The following KALRN variants were observed in gnomAD, a reference collection of about 807,000 sequenced individuals.
The protein encoded by KALRN is kalirin.
Under a neutral mutation model 353.7 loss-of-function variants are expected in KALRN, and 70 were observed. The ratio of observed to expected loss-of-function variants is 0.20; its 90% CI spans 0.16 to 0.24. KALRN has a LOEUF of 0.24. Ranked by LOEUF, KALRN falls within the 10% of genes least tolerant of loss-of-function variation. KALRN has a pLI of 1.00. For synonymous variants in KALRN, 1,391 were observed against 1,434.8 expected (o/e 0.97, Z 0.69); for missense variants, 2,791 against 3,756.7 (o/e 0.74, Z 6.72).
chr3:124,404,299 T>C (rs761196021), intron 13 of KALRN, among the ~76,000 whole-genome samples: 10 of 152,214 alleles, frequency 6.6e-5, no homozygotes, highest in Admixed American at 2.6e-4. Flanking sequence ...CCGGTGACTC[T>C]AAAAATGTTA....
chr3:124,230,307 T>C (rs539316207), intron 2 of KALRN, among the ~76,000 whole-genome samples: 7 of 152,334 alleles, frequency 4.6e-5, no homozygotes, highest in Admixed American at 4.6e-4. Flanking sequence ...TTCTGCCAAG[T>C]TGAGCCTTTC....
chr3:124,227,074 A>T (rs1053350961), intron 1 of KALRN, among the ~76,000 whole-genome samples: 2 of 152,096 alleles, frequency 1.3e-5, no homozygotes, highest in African/African-American at 4.8e-5. Context: ...GGGTTTGTGT[A>T]TGTGGAAGCT....
intron 47 of KALRN, 117 bp from the exon 48 acceptor site, chr3:124,671,543 G>T: frequency 1.4e-6 from 1 of 701,312 alleles, no homozygotes; most frequent in Non-Finnish European, 2.5e-6. Context: ...AAAAACAAGG[G>T]TAGTGTTTTT....
chr3:124,135,935 A>G (rs141493123), intron 1 of KALRN, among the ~76,000 whole-genome samples: 1 of 152,336 alleles, frequency 6.6e-6, no homozygotes, highest in East Asian at 1.9e-4. Flanking sequence ...GGACTGTTAC[A>G]TTCCCCATTC....
intron 6 of KALRN, among the ~76,000 whole-genome samples, chr3:124,313,764 G>C (rs543350965): frequency 2.1e-4 from 32 of 152,296 alleles, no homozygotes; most frequent in Non-Finnish European, 3.5e-4. Flanking sequence ...TCTGTACCAG[G>C]CTGAGAACCA....
At position 124,582,710 on chromosome 3, in the gene KALRN, T is replaced by C. The variant is rs2074745178; in HGVS notation, c.5182+19621T>C. 2.0e-5 allele frequency among the ~76,000 whole-genome samples: 3 copies of C among 151,092 alleles called. No individual in the cohort carries two copies. In the Admixed American group the frequency reaches 2.0e-4, roughly 10 times the overall value. On this transcript the variant is annotated intron_variant, in intron 34 of 59. Transcript: ENST00000682506. ...TAAGCTATTATTACTCATTAGGTCA[T>C]GCTTCGATCATTTACTGGTATCCCA...
intron 1 of KALRN, among the ~76,000 whole-genome samples, chr3:124,158,881 A>G (rs1195942699): frequency 6.6e-6 from 1 of 152,128 alleles, no homozygotes; most frequent in Non-Finnish European, 1.5e-5. Context: ...CCCCTAGTCC[A>G]TGATGCACAC....
At position 124,049,927 on chromosome 3, in the gene KALRN, A is replaced by G. The variant is rs542294722; in HGVS notation, c.73+16114A>G. Among the ~76,000 whole-genome samples the G allele has an allele frequency of 3.3e-5, 5 of 152,168 alleles. No homozygotes were observed. In the South Asian group the frequency reaches 8.3e-4, roughly 25 times the overall value. ...CCCCTGTTTTGCTAGTTTATAATAT[A>G]TTATTCTTTTTTCTGGATTAATCTC... On this transcript the variant is annotated intron_variant, in intron 1 of 59. Transcript: ENST00000682506.
At chr3:124,034,429 T>C (rs1006214852) in intron 1 of KALRN, among the ~76,000 whole-genome samples, 2 of 152,138 alleles carry the variant, frequency 1.3e-5, no homozygotes, top group African/African-American at 4.8e-5. Flanking sequence ...CTCCCCCTTG[T>C]CCTCCTCTTC....
At chr3:124,065,226 G>C (rs2042259588) in intron 1 of KALRN, among the ~76,000 whole-genome samples, 1 of 152,206 alleles carries the variant, frequency 6.6e-6, no homozygotes, top group Non-Finnish European at 1.5e-5. Flanking sequence ...ATAGGGCTGG[G>C]TGCTGATGTG....
chr3:124,590,356 T>G (rs1284433043), intron 34 of KALRN, among the ~76,000 whole-genome samples: 1 of 152,190 alleles, frequency 6.6e-6, no homozygotes, highest in South Asian at 2.1e-4. Context: ...CTGATAATCC[T>G]GTAGGCAATG....
At chr3:124,342,408 A>G (rs913767414) in intron 9 of KALRN, among the ~76,000 whole-genome samples, 6 of 152,184 alleles carry the variant, frequency 3.9e-5, no homozygotes, top group Middle Eastern at 3.4e-3. Flanking sequence ...AGAACATGTG[A>G]TATTTGTCTT....
chr3:124,379,929 A>AT (rs970924735), intron 10 of KALRN, among the ~76,000 whole-genome samples: 10 of 151,778 alleles, frequency 6.6e-5, no homozygotes, highest in African/African-American at 2.2e-4. Context: ...ATGCTTACAT[A>AT]TTTTTTTTCC....
At chr3:124,040,690 A>C (rs752698883) in intron 1 of KALRN, among the ~76,000 whole-genome samples, 1 of 152,226 alleles carries the variant, frequency 6.6e-6, no homozygotes, top group African/African-American at 2.4e-5. Context: ...TCTTCTGCAA[A>C]ATGGGACTGA....
At chr3:124,664,597 G>A (rs2085386931) in intron 45 of KALRN, among the ~76,000 whole-genome samples, 1 of 152,088 alleles carries the variant, frequency 6.6e-6, no homozygotes, top group Non-Finnish European at 1.5e-5. Context: ...TTTTAATATA[G>A]ATGGGGTTTT....
rs1360103095 is a variant in KALRN, at chr3:124,270,838, T to G, written c.969+1583T>G. On this transcript the variant is annotated intron_variant, in intron 5 of 59. Transcript: ENST00000682506. ...TTTTTTGTTTTGTTTTTTTTTTTTT[T>G]TTTTTTTTTGAGACGGAGTCTCGCT... is the stretch of plus-strand genomic sequence containing the variant. Among the ~76,000 whole-genome samples the G allele has an allele frequency of 8.1e-5, 12 of 148,108 alleles. No homozygotes were observed. The East Asian group carries it at 2.3e-3, about 29-fold the overall frequency.
chr3:124,405,880 G>A lies in KALRN; in HGVS notation c.2346+7009G>A, dbSNP rs184563630. On this transcript the variant is annotated intron_variant, in intron 13 of 59. Transcript: ENST00000682506. Reference sequence around the variant, plus strand: ...AGGATGGCCTCGATCTCCTGACCTCGTGATCCGCCCGCCTCGGCCTCCCAA... The same window carrying A: ...AGGATGGCCTCGATCTCCTGACCTCATGATCCGCCCGCCTCGGCCTCCCAA... Among the ~76,000 whole-genome samples the A allele has an allele frequency of 2.4e-3, 367 of 152,180 alleles. 1 individual carries two copies. The highest frequency in any genetic ancestry group is 0.014 in the Middle Eastern group (4 of 292).
Position 124,298,773 on chromosome 3 carries a change from CCTT to C in KALRN, c.970-14_970-12del. 6.2e-7 allele frequency: 1 copy of C among 1,613,972 alleles called. No individual in the cohort carries two copies. The highest frequency in any genetic ancestry group is 8.5e-7 in the Non-Finnish European group (1 of 1,179,900). Reference sequence around the variant, plus strand: ...CCATGACCATTCTGATTATGCTGTGCCTTCTTGTCCTCTCTAGATGTTTGACTG... The same window carrying C: ...CCATGACCATTCTGATTATGCTGTGCCTTGTCCTCTCTAGATGTTTGACTG... On this transcript the variant is annotated splice_polypyrimidine_tract_variant and intron_variant, in intron 5 of 59. Transcript: ENST00000682506.
chr3:124,230,862 A>C (rs999806747), intron 2 of KALRN, among the ~76,000 whole-genome samples: 30 of 123,736 alleles, frequency 2.4e-4, no homozygotes, highest in African/African-American at 8.3e-4. Flanking sequence ...AAAACCAAAA[A>C]AAAAAAAAAC....
Sources: gnomAD v4.1 joint callset for allele counts (sites outside exome capture counted in the v4.1 genomes callset) on GRCh38, gnomAD v4.1.1 for gene constraint, MANE v1.5 for transcripts, NCBI Gene and HGNC (gene_info 2026-07-23, HGNC 2026-07-21) for gene names.